GALNT18: variants seen among roughly 807,000 people sequenced by gnomAD.
GALNT18 encodes the protein GalNAc-transferase 18.
In GALNT18, 44 loss-of-function variants were observed where a neutral mutation model predicts 69.5. The observed-to-expected ratio is 0.63, with a 90% CI of 0.50 to 0.81. GALNT18 has a LOEUF of 0.81. GALNT18 is among the 40% of genes least tolerant of loss of function. The pLI is 0.00. For missense variants in GALNT18, 715 were observed against 810.0 expected (o/e 0.88, Z 1.42); for synonymous variants, 364 against 318.2 (o/e 1.14, Z -1.53).
rs988196676 is a variant in GALNT18 at position 11,320,248 on chromosome 11, G to A, written c.1512+6838C>T. ...AGGGAGGAATATGTAAGTTTTCATA[G>A]AAGAGGTCAGAAATACCGTTACCCT... On this transcript the variant is annotated intron_variant, in intron 9 of 10. Coordinates refer to ENST00000227756, the MANE Select transcript of GALNT18 (RefSeq NM_198516.3). The surrounding 1 kb of genome is among the most constrained non-coding windows in gnomAD (Gnocchi z 4.9). 4.6e-5 allele frequency among the ~76,000 whole-genome samples: 7 copies of A among 152,186 alleles called. No homozygotes were observed. The highest frequency in any genetic ancestry group is 1.0e-4 in the Non-Finnish European group (7 of 68,042).
At chr11:11,455,980 T>C (rs1398052279) in intron 1 of GALNT18, among the ~76,000 whole-genome samples, 1 of 152,154 alleles carries the variant, frequency 6.6e-6, no homozygotes, top group African/African-American at 2.4e-5. Flanking sequence ...CCCCAGCTAC[T>C]CAGGAGGTTG....
At chr11:11,280,236 C>T (rs528744872) in intron 10 of GALNT18, among the ~76,000 whole-genome samples, 1 of 152,190 alleles carries the variant, frequency 6.6e-6, no homozygotes, top group Non-Finnish European at 1.5e-5. Context: ...CTGGGGCCCA[C>T]TGTTTGCCAG....
rs1859708654 is a variant in GALNT18, at chr11:11,604,798, C to T, written c.235+16561G>A. Among the ~76,000 whole-genome samples, 2 of 152,146 alleles carry T rather than the reference C, an allele frequency of 1.3e-5. No homozygotes were observed. Among genetic ancestry groups the T allele is most frequent in the African/African-American group, 2.4e-5 (1 of 41,426 alleles). On this transcript the variant is annotated intron_variant, in intron 1 of 10. Transcript: ENST00000227756. The surrounding 1 kb of genome is among the most constrained non-coding windows in gnomAD (Gnocchi z 5.6). ...TAACTAGCTCAGCCATGCAGGGAGG[C>T]ATAATTAGTTTCCCGGCCCATAGCT...
In GALNT18 at chr11:11,574,103, G is replaced by C. The variant is rs76801148; in HGVS notation, c.235+47256C>G. 4.3e-3 allele frequency among the ~76,000 whole-genome samples: 652 copies of C among 152,224 alleles called. 5 individuals carry two copies. The highest frequency in any genetic ancestry group is 0.015 in the African/African-American group (606 of 41,526). Reference sequence around the variant, plus strand: ...GCAAGTCAATTATTGTAGGTATGTGGCTCCCCATGCCCCATGGGAGAGGAA... The same window carrying C: ...GCAAGTCAATTATTGTAGGTATGTGCCTCCCCATGCCCCATGGGAGAGGAA... On this transcript the variant is annotated intron_variant, in intron 1 of 10. Coordinates refer to ENST00000227756, the MANE Select transcript of GALNT18 (RefSeq NM_198516.3).
chr11:11,455,213 A>G (rs1855900009), intron 1 of GALNT18, among the ~76,000 whole-genome samples: 1 of 152,192 alleles, frequency 6.6e-6, no homozygotes, highest in Non-Finnish European at 1.5e-5. Flanking sequence ...TGCCAAGCTT[A>G]TTGCTTGGGT....
Position 11,387,025 on chromosome 11 carries a change from A to C in GALNT18, c.596-7761T>G, listed in dbSNP as rs78304647. 0.016 allele frequency among the ~76,000 whole-genome samples: 2,386 copies of C among 152,292 alleles called. 59 individuals are homozygous for C. Among genetic ancestry groups the C allele is most frequent in the African/African-American group, 0.054 (2,261 of 41,550 alleles). On this transcript the variant is annotated intron_variant, in intron 3 of 10. Coordinates refer to ENST00000227756, the MANE Select transcript of GALNT18 (RefSeq NM_198516.3). The surrounding 1 kb of genome is among the most constrained non-coding windows in gnomAD (Gnocchi z 4.6). ...TGACGGATGGGCCAAACTTGGTTAC[A>C]ACTGAAATACAAAGGTGGGCTTTAT...
chr11:11,395,417 A>C (rs190584283), intron 3 of GALNT18, among the ~76,000 whole-genome samples: 1 of 152,238 alleles, frequency 6.6e-6, no homozygotes, highest in African/African-American at 2.4e-5. Context: ...TTTAATCTGC[A>C]TATGTAGCAG....
intron 1 of GALNT18, among the ~76,000 whole-genome samples, chr11:11,486,115 G>T (rs867467917): frequency 2.0e-5 from 3 of 152,184 alleles, no homozygotes; most frequent in Non-Finnish European, 4.4e-5. Flanking sequence ...GCTGGAAGCT[G>T]TGAGATTATC....
In GALNT18 at chr11:11,342,000, T is replaced by C. The variant is rs145912915; in HGVS notation, c.1093-996A>G. On this transcript the variant is annotated intron_variant, in intron 6 of 10. Coordinates refer to ENST00000227756, the MANE Select transcript of GALNT18 (RefSeq NM_198516.3). The surrounding 1 kb of genome is among the most constrained non-coding windows in gnomAD (Gnocchi z 6.3). ...TTTTTTTAAAAAGACCTTGACTATA[T>C]GGCCCCAACATTGTGGAGTCTTTGC... Among the ~76,000 whole-genome samples, 232 of 152,010 alleles carry C rather than the reference T, an allele frequency of 1.5e-3. No homozygotes were observed. Among genetic ancestry groups the C allele is most frequent in the African/African-American group, 5.2e-3 (214 of 41,466 alleles).
chr11:11,414,104 T>G (rs1043975393), intron 3 of GALNT18, among the ~76,000 whole-genome samples: 1 of 152,204 alleles, frequency 6.6e-6, no homozygotes, highest in Non-Finnish European at 1.5e-5. Flanking sequence ...AGATCTCGGA[T>G]GTACCCACTT....
intron 6 of GALNT18, among the ~76,000 whole-genome samples, chr11:11,354,700 GA>G (rs1589932180): frequency 6.6e-6 from 1 of 152,068 alleles, no homozygotes; most frequent in East Asian, 1.9e-4. Flanking sequence ...AGCTTTTCGG[GA>G]CAGGGGAAAA....
intron 1 of GALNT18, among the ~76,000 whole-genome samples, chr11:11,552,135 A>G (rs1590092095): frequency 6.6e-6 from 1 of 151,912 alleles, no homozygotes; most frequent in Admixed American, 6.6e-5. Flanking sequence ...TAATGTATTC[A>G]CTGAAAAGAA....
intron 1 of GALNT18, among the ~76,000 whole-genome samples, chr11:11,585,354 CTTT>C (rs796771821): frequency 2.2e-5 from 3 of 138,350 alleles, no homozygotes; most frequent in East Asian, 4.2e-4. Flanking sequence ...GAAGAAAAAT[CTTT>C]TTTTTTTTTT....
At chr11:11,422,537 G>T (rs1021954887) in intron 3 of GALNT18, among the ~76,000 whole-genome samples, 2 of 152,128 alleles carry the variant, frequency 1.3e-5, no homozygotes, top group South Asian at 4.1e-4. Context: ...AGTCTTGGTT[G>T]TAATTTGATT....
At position 11,511,871 on chromosome 11, in the gene GALNT18, C is replaced by T. The variant is rs1857172412; in HGVS notation, c.236-62935G>A. Among the ~76,000 whole-genome samples, 1 of 152,082 alleles carries T rather than the reference C, an allele frequency of 6.6e-6. No homozygotes were observed. The highest frequency in any genetic ancestry group is 6.5e-5 in the Admixed American group (1 of 15,272). On this transcript the variant is annotated intron_variant, in intron 1 of 10. Coordinates refer to ENST00000227756, the MANE Select transcript of GALNT18 (RefSeq NM_198516.3). This position sits in a 1 kb window ranked among gnomAD's most constrained non-coding sequence, Gnocchi z 4.9. ...ACCCTGATCTGGGACTTTCAGCCCC[C>T]AGAACTATGAAAAATCAATTTCTGT...
intron 3 of GALNT18, among the ~76,000 whole-genome samples, chr11:11,385,364 C>T (rs900312635): frequency 6.6e-5 from 10 of 150,854 alleles, no homozygotes; most frequent in East Asian, 1.9e-4. Context: ...GGTGCAATCT[C>T]GGCTCACTGC....
intron 3 of GALNT18, among the ~76,000 whole-genome samples, chr11:11,419,908 C>G (rs1049720490): frequency 6.6e-6 from 1 of 152,170 alleles, no homozygotes; most frequent in African/African-American, 2.4e-5. Flanking sequence ...CTATCATTCT[C>G]TGACGGCAGG....
At chr11:11,514,639 C>T (rs974505939) in intron 1 of GALNT18, among the ~76,000 whole-genome samples, 4 of 152,218 alleles carry the variant, frequency 2.6e-5, no homozygotes, top group African/African-American at 9.6e-5. Flanking sequence ...AGGAAACCAT[C>T]AGTAGTTCAA....
At position 11,614,579 on chromosome 11, in the gene GALNT18, A is replaced by G. The variant is rs118139871; in HGVS notation, c.235+6780T>C. ...TTGGAGGGTACAAACATTCAAGCAT[A>G]TCAAGCACATTCAGCTATTCAAGTG... On this transcript the variant is annotated intron_variant, in intron 1 of 10. Transcript: ENST00000227756. The surrounding 1 kb of genome is among the most constrained non-coding windows in gnomAD (Gnocchi z 5.6). Among the ~76,000 whole-genome samples the G allele has an allele frequency of 4.8e-3, 731 of 152,334 alleles. 4 individuals carry two copies. The highest frequency in any genetic ancestry group is 0.017 in the Middle Eastern group (5 of 294).
Sources: allele counts gnomAD v4.1 joint callset (sites outside exome capture counted in the v4.1 genomes callset), GRCh38; gene constraint gnomAD v4.1.1; non-coding constraint Gnocchi (gnomAD v3.1); transcripts MANE v1.5; gene names NCBI Gene and HGNC (gene_info 2026-07-23, HGNC 2026-07-21).